Variants in POLR3B observed in about 807,000 individuals in gnomAD.
POLR3B encodes the protein DNA-directed RNA polymerase III subunit RPC2.
POLR3B carries 96 observed loss-of-function variants against 147.4 expected under a neutral mutation model. That is an observed-to-expected ratio of 0.65 (90% CI 0.55 to 0.77). The LOEUF is 0.77. Among genes scored for constraint, POLR3B ranks in the 30% least tolerant of loss-of-function variants. The probability of loss-of-function intolerance (pLI) is 0.00; values close to 1 mark genes in which losing one functional copy is unlikely to be tolerated. For missense variants in POLR3B, 1,036 were observed against 1,413.5 expected (o/e 0.73, Z 4.28); for synonymous variants, 461 against 485.9 (o/e 0.95, Z 0.67).
At chr12:106,439,753 C>A (rs142290322) in intron 18 of POLR3B, among the ~76,000 whole-genome samples, 2 of 152,156 alleles carry the variant, frequency 1.3e-5, no homozygotes, top group East Asian at 3.9e-4. Flanking sequence ...ATTTTATACC[C>A]CTCATTTCAA....
intron 9 of POLR3B, among the ~76,000 whole-genome samples, chr12:106,388,247 G>GT (rs2036866607): frequency 6.6e-6 from 1 of 152,008 alleles, no homozygotes; most frequent in South Asian, 2.1e-4. Context: ...TAGTTTGAAA[G>GT]TTTTTGTGGA....
intron 18 of POLR3B, among the ~76,000 whole-genome samples, chr12:106,439,361 C>T (rs1010216674): frequency 1.3e-5 from 2 of 149,612 alleles, no homozygotes; most frequent in Admixed American, 6.6e-5. Context: ...TGGGTAAGAA[C>T]CTATCTCTTA....
intron 23 of POLR3B, among the ~76,000 whole-genome samples, chr12:106,475,812 C>T (rs2038160009): frequency 6.7e-6 from 1 of 149,942 alleles, no homozygotes; most frequent in African/African-American, 2.5e-5. Context: ...GGTCTTGACT[C>T]TTTATCCAAC....
At chr12:106,430,228 T>C (rs1367671352) in intron 13 of POLR3B, 45 bp from the exon 14 acceptor site, 2 of 1,479,044 alleles carry the variant, frequency 1.4e-6, no homozygotes, top group Admixed American at 1.7e-5. Flanking sequence ...TCAGACAACA[T>C]AGGATTGGGT....
Position 106,492,026 on chromosome 12 carries a change from C to G in POLR3B, c.2714-4029C>G, listed in dbSNP as rs183689521. On this transcript the variant is annotated intron_variant, in intron 23 of 27. Coordinates refer to ENST00000228347, the MANE Select transcript of POLR3B (RefSeq NM_018082.6). ...AATCTTCTAGTCAGGTCTCAACACACTGAAGTCACATCAAAAACATCTCTT... is the reference window on the plus strand; with the variant it reads ...AATCTTCTAGTCAGGTCTCAACACAGTGAAGTCACATCAAAAACATCTCTT... Among the ~76,000 whole-genome samples, 160 of 152,334 alleles carry G rather than the reference C, an allele frequency of 1.1e-3. 4 individuals are homozygous for G. In the East Asian group the frequency reaches 0.017, roughly 17 times the overall value.
intron 21 of POLR3B, 104 bp from the exon 22 acceptor site, chr12:106,459,147 C>A: frequency 1.3e-6 from 1 of 759,230 alleles, no homozygotes; most frequent in South Asian, 1.4e-5. Context: ...CCGCAGCCTC[C>A]TGAGTTGTTG....
chr12:106,408,209 C>T lies in POLR3B; in HGVS notation c.966+2233C>T, dbSNP rs559208454. Reference sequence around the variant, plus strand: ...AGTACTACAGAGATATGCTGATATTCGTGATGGTGGAACTTGAATGACTAG... The same window carrying T: ...AGTACTACAGAGATATGCTGATATTTGTGATGGTGGAACTTGAATGACTAG... On this transcript the variant is annotated intron_variant, in intron 11 of 27. Coordinates refer to ENST00000228347, the MANE Select transcript of POLR3B (RefSeq NM_018082.6). Among the ~76,000 whole-genome samples, 3 of 152,238 alleles carry T rather than the reference C, an allele frequency of 2.0e-5. No individual in the cohort carries two copies. The East Asian group carries it at 5.8e-4, about 29-fold the overall frequency.
At chr12:106,471,466 G>A (rs2038091197) in intron 23 of POLR3B, among the ~76,000 whole-genome samples, 1 of 152,096 alleles carries the variant, frequency 6.6e-6, no homozygotes, top group Non-Finnish European at 1.5e-5. Flanking sequence ...CTTCCGTGAG[G>A]TGCACCCACT....
At chr12:106,471,733 T>G (rs1402306773) in intron 23 of POLR3B, among the ~76,000 whole-genome samples, 1 of 152,122 alleles carries the variant, frequency 6.6e-6, no homozygotes, top group Non-Finnish European at 1.5e-5. Context: ...TGTATATGAA[T>G]GAATGAGTGA....
In POLR3B at chr12:106,440,324, G is replaced by C. The variant is rs1404507126; in HGVS notation, c.1955+2545G>C. ...ATGTCTTACCTGGATTTTTGCAAAG[G>C]CCTCCTGACTATTTTGACACCTGTT... On this transcript the variant is annotated intron_variant, in intron 18 of 27. Coordinates refer to ENST00000228347, the MANE Select transcript of POLR3B (RefSeq NM_018082.6). Among the ~76,000 whole-genome samples the C allele has an allele frequency of 2.0e-5, 3 of 152,110 alleles. No homozygotes were observed. In the East Asian group the frequency reaches 5.8e-4, roughly 29 times the overall value.
chr12:106,476,088 C>T (rs1385702989), intron 23 of POLR3B, among the ~76,000 whole-genome samples: 2 of 145,550 alleles, frequency 1.4e-5, no homozygotes, highest in African/African-American at 5.2e-5. Flanking sequence ...TCAGCATTTG[C>T]TTGTCTGTAA....
chr12:106,435,971 G>A (rs1316557483), intron 16 of POLR3B, among the ~76,000 whole-genome samples: 1 of 152,078 alleles, frequency 6.6e-6, no homozygotes, highest in Non-Finnish European at 1.5e-5. Context: ...CTCCTCCGCC[G>A]GTTTCTGTCT....
intron 1 of POLR3B, 96 bp downstream of exon 1, chr12:106,358,047 G>T: frequency 6.4e-7 from 1 of 1,563,832 alleles, no homozygotes; most frequent in Non-Finnish European, 8.6e-7. Flanking sequence ...CGGGCTGGCG[G>T]TTTGTGCGCA....
At chr12:106,490,314 A>G (rs755592603) in intron 23 of POLR3B, among the ~76,000 whole-genome samples, 1 of 152,184 alleles carries the variant, frequency 6.6e-6, no homozygotes, top group Non-Finnish European at 1.5e-5. Flanking sequence ...GTTGCTTGCA[A>G]AAGCATTGTA....
chr12:106,477,573 G>A (rs1289302193), intron 23 of POLR3B, among the ~76,000 whole-genome samples: 18 of 151,976 alleles, frequency 1.2e-4, no homozygotes, highest in African/African-American at 1.9e-4. Flanking sequence ...GTGGTGCACC[G>A]TTTTTTAAGC....
Position 106,433,873 on chromosome 12 carries a change from G to A in POLR3B, c.1781+1G>A. The A allele has an allele frequency of 6.2e-7, 1 of 1,611,530 alleles. No individual in the cohort carries two copies. The highest frequency in any genetic ancestry group is 8.5e-7 in the Non-Finnish European group (1 of 1,177,946). ...CTTCTGATGGGGGAAGGCTATGCAG[G>A]TATATATGCAGGTTACTAAAAAGAG... On this transcript the variant is annotated splice_donor_variant, in intron 16 of 27. Coordinates refer to ENST00000228347, the MANE Select transcript of POLR3B (RefSeq NM_018082.6). LOFTEE classifies it high-confidence loss of function.
intron 12 of POLR3B, among the ~76,000 whole-genome samples, chr12:106,416,094 A>G (rs2037298749): frequency 6.6e-6 from 1 of 152,182 alleles, no homozygotes; most frequent in Admixed American, 6.5e-5. Flanking sequence ...AGGTTTTGCA[A>G]GTTCAGAAGA....
At position 106,389,163 on chromosome 12, in the gene POLR3B, T is replaced by C. The variant is rs1235436058; in HGVS notation, c.724-3868T>C. 2.0e-5 allele frequency among the ~76,000 whole-genome samples: 3 copies of C among 152,246 alleles called. No homozygotes were observed. The East Asian group carries it at 5.8e-4, about 29-fold the overall frequency. On this transcript the variant is annotated intron_variant, in intron 9 of 27. Transcript: ENST00000228347. The stretch of plus-strand genomic sequence containing the variant: ...CATTTTGCTGTCGTTTCCATAGCAA[T>C]ATGTCATTTATTTGTAGCTGTGACT...
In POLR3B at chr12:106,437,927, A is replaced by G. The variant is rs956781558; in HGVS notation, c.1955+148A>G. The G allele has an allele frequency of 7.3e-5, 48 of 654,520 alleles. No homozygotes were observed. The African/African-American group carries it at 8.5e-4, about 12-fold the overall frequency. 40.5% of individuals were successfully genotyped at this position (654,520 alleles called of 1,614,324 possible). ...ACAATCTTCTTTTTTTTGTTTGAAC[A>G]TGCAGGTTTGTTACATAGGTAAACG... is the stretch of plus-strand genomic sequence containing the variant. On this transcript the variant is annotated intron_variant, in intron 18 of 27. Coordinates refer to ENST00000228347, the MANE Select transcript of POLR3B (RefSeq NM_018082.6).
Sources: allele counts gnomAD v4.1 joint callset (sites outside exome capture counted in the v4.1 genomes callset), GRCh38; gene constraint gnomAD v4.1.1; transcripts MANE v1.5; gene names NCBI Gene and HGNC (gene_info 2026-07-23, HGNC 2026-07-21).